Variants in PTPRG observed in about 807,000 individuals in gnomAD.
The protein encoded by PTPRG is protein tyrosine phosphatase receptor type G.
In PTPRG, 102 loss-of-function variants were observed where a neutral mutation model predicts 165.3. That is an observed-to-expected ratio of 0.62 (90% CI 0.53 to 0.73). The LOEUF (loss-of-function observed/expected upper bound fraction) is 0.73, where lower values mean the gene tolerates loss of function less well. Among genes scored for constraint, PTPRG ranks in the 30% least tolerant of loss-of-function variants. The pLI, the probability that PTPRG is intolerant of heterozygous loss-of-function variation, is 0.00. For missense variants in PTPRG, 1,866 were observed against 1,861.4 expected, an observed-to-expected ratio of 1.00 and a Z score of -0.05; for synonymous variants, 675 against 669.5, an observed-to-expected ratio of 1.01 and a Z score of -0.13.
intron 1 of PTPRG, among the ~76,000 whole-genome samples, chr3:61,672,080 C>A (rs1380613915): frequency 6.8e-6 from 1 of 147,242 alleles, no homozygotes; most frequent in Non-Finnish European, 1.5e-5. Context: ...ACATCCCGGA[C>A]GGGGCAGCAG....
chr3:61,581,811 C>T (rs954213438), intron 1 of PTPRG, among the ~76,000 whole-genome samples: 3 of 151,670 alleles, frequency 2.0e-5, no homozygotes, highest in African/African-American at 4.8e-5. Context: ...GATTCCACCA[C>T]GTTGGCCAGG....
At chr3:61,714,151 A>G (rs1001475603) in intron 1 of PTPRG, among the ~76,000 whole-genome samples, 2 of 152,204 alleles carry the variant, frequency 1.3e-5, no homozygotes, top group African/African-American at 4.8e-5. Flanking sequence ...TATTTCTGCA[A>G]ACCTCAAGGA....
At chr3:61,795,003 C>G (rs1385826662) in intron 2 of PTPRG, among the ~76,000 whole-genome samples, 1 of 152,186 alleles carries the variant, frequency 6.6e-6, no homozygotes, top group Non-Finnish European at 1.5e-5. Flanking sequence ...GTAGTAGCAA[C>G]AGAAGCAGCA....
chr3:62,152,744 A>T (rs1382572113), intron 6 of PTPRG, among the ~76,000 whole-genome samples: 1 of 152,170 alleles, frequency 6.6e-6, no homozygotes, highest in Admixed American at 6.5e-5. Flanking sequence ...TCATTTACTA[A>T]TGGGGGCACC....
chr3:62,069,247 G>T (rs1211666488), intron 4 of PTPRG, among the ~76,000 whole-genome samples: 1 of 152,208 alleles, frequency 6.6e-6, no homozygotes, highest in Non-Finnish European at 1.5e-5. Context: ...CTTGAGGTGT[G>T]AGTATTACCT....
intron 26 of PTPRG, among the ~76,000 whole-genome samples, chr3:62,279,982 A>T (rs1397061948): frequency 6.6e-6 from 1 of 152,054 alleles, no homozygotes; most frequent in Non-Finnish European, 1.5e-5. Flanking sequence ...TATTTCTCAC[A>T]GTCTCCAACC....
chr3:61,756,223 T>C (rs1479837148), intron 2 of PTPRG, among the ~76,000 whole-genome samples: 1 of 152,200 alleles, frequency 6.6e-6, no homozygotes, highest in East Asian at 1.9e-4. Flanking sequence ...TTCATGCTCT[T>C]TGAACAGAAC....
At position 61,742,736 on chromosome 3, in the gene PTPRG, C is replaced by T. The variant is rs55730854; in HGVS notation, c.86-6142C>T. ...TTTCCTGCCTTATTTAGACCTGGGC[C>T]GAGGATTCGTGGAATCTGCTTGATC... On this transcript the variant is annotated intron_variant, in intron 1 of 29. Coordinates refer to ENST00000474889, the MANE Select transcript of PTPRG (RefSeq NM_002841.4). The T allele has an allele frequency of 8.5e-3, 13,663 of 1,610,102 alleles. 91 individuals are homozygous for T. The highest frequency in any genetic ancestry group is 1.0e-2 in the Non-Finnish European group (11,730 of 1,178,698).
intron 6 of PTPRG, among the ~76,000 whole-genome samples, chr3:62,143,559 T>A (rs1704007345): frequency 6.6e-6 from 1 of 152,140 alleles, no homozygotes; most frequent in Admixed American, 6.5e-5. Flanking sequence ...AGAATCTTTT[T>A]TTTTTTTTTT....
intron 2 of PTPRG, among the ~76,000 whole-genome samples, chr3:61,903,036 C>T (rs999276402): frequency 6.6e-6 from 1 of 152,140 alleles, no homozygotes; most frequent in African/African-American, 2.4e-5. Flanking sequence ...CTGCCAAACT[C>T]CTTCCAGTCT....
intron 5 of PTPRG, among the ~76,000 whole-genome samples, chr3:62,122,561 A>G (rs1576029511): frequency 1.3e-5 from 2 of 152,244 alleles, no homozygotes; most frequent in African/African-American, 4.8e-5. Context: ...ACGCCACTGC[A>G]TAACACTCTG....
chr3:62,095,230 T>A (rs1223230879), intron 5 of PTPRG, among the ~76,000 whole-genome samples: 1 of 152,200 alleles, frequency 6.6e-6, no homozygotes, highest in Non-Finnish European at 1.5e-5. Context: ...GAGGGGACTC[T>A]TACGCCGTGA....
At chr3:61,927,444 C>T (rs567395537) in intron 2 of PTPRG, among the ~76,000 whole-genome samples, 4 of 152,174 alleles carry the variant, frequency 2.6e-5, no homozygotes, top group African/African-American at 7.2e-5. Context: ...GAGATGGTCC[C>T]TGCCAGTTGG....
chr3:61,887,168 A>T lies in PTPRG; in HGVS notation c.191-102457A>T, dbSNP rs865915912. ...TATATATATATATATATATATATAT[A>T]TATTTTTAATGCCATCATCAAACAC... On this transcript the variant is annotated intron_variant, in intron 2 of 29. Transcript: ENST00000474889. 8.0e-3 allele frequency among the ~76,000 whole-genome samples: 861 copies of T among 107,068 alleles called. 23 individuals carry two copies. Among genetic ancestry groups the T allele is most frequent in the African/African-American group, 0.023 (698 of 29,722 alleles). 70.2% of individuals were successfully genotyped at this position (107,068 alleles called of 152,430 possible). A position where few individuals can be genotyped will look rare whatever the true frequency, so the allele number is the denominator to read the frequency against.
intron 2 of PTPRG, among the ~76,000 whole-genome samples, chr3:61,760,076 A>G (rs920012243): frequency 6.6e-6 from 1 of 152,312 alleles, no homozygotes; most frequent in Non-Finnish European, 1.5e-5. Flanking sequence ...GAAAAATTTT[A>G]TCTAAGCAGT....
intron 6 of PTPRG, among the ~76,000 whole-genome samples, chr3:62,139,924 A>G (rs1559556724): frequency 6.6e-6 from 1 of 152,254 alleles, no homozygotes; most frequent in South Asian, 2.1e-4. Context: ...TGCCCTGCCA[A>G]GCATTTCCAG....
intron 2 of PTPRG, among the ~76,000 whole-genome samples, chr3:61,820,146 A>C (rs1387725011): frequency 6.6e-6 from 1 of 152,162 alleles, no homozygotes; most frequent in East Asian, 1.9e-4. Flanking sequence ...ATATATTTTT[A>C]AAAGACATTT....
chr3:62,269,749 A>C (rs1250509782), intron 20 of PTPRG, among the ~76,000 whole-genome samples: 1 of 152,084 alleles, frequency 6.6e-6, no homozygotes, highest in Non-Finnish European at 1.5e-5. Flanking sequence ...AGGTTATCTC[A>C]GTTTCTTTTT....
At position 62,190,709 on chromosome 3, in the gene PTPRG, A is replaced by G. The variant is rs1173808089; in HGVS notation, c.1034-760A>G. Among the ~76,000 whole-genome samples the G allele has an allele frequency of 6.6e-6, 1 of 152,098 alleles. No homozygotes were observed. The highest frequency in any genetic ancestry group is 1.5e-5 in the Non-Finnish European group (1 of 68,016). ...CTTAAATTTATTTATTTACACTCGG[A>G]CCTGTTTACAATAAGATTTCGTCTA... is the stretch of plus-strand genomic sequence containing the variant. On this transcript the variant is annotated intron_variant, in intron 8 of 29. Transcript: ENST00000474889. The surrounding 1 kb of genome is among the most constrained non-coding windows in gnomAD (Gnocchi z 5.2).
Sources: gnomAD v4.1 joint callset for allele counts (sites outside exome capture counted in the v4.1 genomes callset) on GRCh38, gnomAD v4.1.1 for gene constraint, Gnocchi (gnomAD v3.1) non-coding constraint, MANE v1.5 for transcripts, NCBI Gene and HGNC (gene_info 2026-07-23, HGNC 2026-07-21) for gene names.